APH1B: variants seen among roughly 807,000 people sequenced by gnomAD.
APH1B encodes aph-1B gamma-secretase subunit, also known as gamma-secretase subunit APH-1B.
In APH1B, 27 loss-of-function variants were observed where a neutral mutation model predicts 28.2. The ratio of observed to expected loss-of-function variants is 0.96; its 90% confidence interval spans 0.70 to 1.32. The LOEUF is 1.32. APH1B is among the 40% of genes most tolerant of loss of function. The pLI, the probability that APH1B is intolerant of heterozygous loss-of-function variation, is 0.00. For missense variants in APH1B, 305 were observed against 313.6 expected, an observed-to-expected ratio of 0.97 and a Z score of 0.21; for synonymous variants, 141 against 124.6, an observed-to-expected ratio of 1.13 and a Z score of -0.88.
At chr15:63,279,543 A>G (rs1378012524) in intron 2 of APH1B, among the ~76,000 whole-genome samples, 1 of 152,180 alleles carries the variant, frequency 6.6e-6, no homozygotes, top group East Asian at 1.9e-4. Flanking sequence ...TCAAAAAAAT[A>G]TTTCTTGAGA....
intron 4 of APH1B, among the ~76,000 whole-genome samples, chr15:63,293,489 CT>C: frequency 7.1e-6 from 1 of 141,504 alleles, no homozygotes; most frequent in East Asian, 2.2e-4. Flanking sequence ...TGTTTTTCTT[CT>C]TCTTCTTCTT....
chr15:63,296,329 G>C (rs2038567400), intron 4 of APH1B, among the ~76,000 whole-genome samples: 1 of 152,166 alleles, frequency 6.6e-6, no homozygotes, highest in Admixed American at 6.5e-5. Flanking sequence ...CCTGCCTCTG[G>C]GCAGCTGCGG....
intron 2 of APH1B, among the ~76,000 whole-genome samples, chr15:63,280,599 T>G (rs1197137801): frequency 6.6e-6 from 1 of 152,232 alleles, no homozygotes; most frequent in Non-Finnish European, 1.5e-5. Flanking sequence ...GAATTTAAAT[T>G]AGGAATTGAA....
intron 2 of APH1B, among the ~76,000 whole-genome samples, chr15:63,286,046 G>A (rs566973396): frequency 6.6e-6 from 1 of 152,310 alleles, no homozygotes; most frequent in South Asian, 2.1e-4. Context: ...ACAAATCGCT[G>A]CCTGAAGTGG....
rs1445422711 is a variant in APH1B at position 63,306,008 on chromosome 15, A to T, written c.*227A>T. On this transcript the variant is annotated 3_prime_UTR_variant, in exon 6 of 6. Transcript: ENST00000261879. Reference sequence around the variant, plus strand: ...ACCTGGGACAGTGTAAAGCCGACTGATTCTGGGCTCCACCTTCCAGAGCTA... The same window carrying T: ...ACCTGGGACAGTGTAAAGCCGACTGTTTCTGGGCTCCACCTTCCAGAGCTA... 2 of 504,470 alleles carry T rather than the reference A, an allele frequency of 4.0e-6. No individual in the cohort carries two copies. Among genetic ancestry groups the T allele is most frequent in the Non-Finnish European group, 6.7e-6 (2 of 298,062 alleles). 31.2% of individuals were successfully genotyped at this position (504,470 alleles called of 1,614,324 possible). A position where few individuals can be genotyped will look rare whatever the true frequency, so the allele number is the denominator to read the frequency against.
chr15:63,299,218 C>G (rs190653536), intron 4 of APH1B, among the ~76,000 whole-genome samples: 1 of 152,176 alleles, frequency 6.6e-6, no homozygotes, highest in East Asian at 1.9e-4. Flanking sequence ...ATGGACTTGA[C>G]TTTGGAGGCA....
At chr15:63,283,333 A>G (rs1037435647) in intron 2 of APH1B, among the ~76,000 whole-genome samples, 9 of 152,122 alleles carry the variant, frequency 5.9e-5, no homozygotes, top group African/African-American at 1.9e-4. Flanking sequence ...GGCTCAAGCA[A>G]TCCTCCCACC....
intron 3 of APH1B, 129 bp from the exon 4 acceptor site, chr15:63,287,295 C>G (rs961459244): frequency 5.5e-6 from 7 of 1,273,748 alleles, no homozygotes; most frequent in African/African-American, 4.5e-5. Context: ...CCAGAGCCAG[C>G]TGTCCACTGC....
intron 2 of APH1B, among the ~76,000 whole-genome samples, chr15:63,284,675 A>G (rs543340671): frequency 1.3e-5 from 2 of 152,340 alleles, no homozygotes; most frequent in African/African-American, 4.8e-5. Flanking sequence ...TCATATGTGC[A>G]GTCCATTGTT....
At chr15:63,283,970 G>A (rs2038417756) in intron 2 of APH1B, among the ~76,000 whole-genome samples, 2 of 152,012 alleles carry the variant, frequency 1.3e-5, no homozygotes, top group Admixed American at 1.3e-4. Context: ...GAATCATCTT[G>A]CACTCTTGTT....
At position 63,279,257 on chromosome 15, in the gene APH1B, T is replaced by A. The variant is rs977357424; in HGVS notation, c.210T>A (p.Tyr70Ter). The A allele has an allele frequency of 6.2e-6, 10 of 1,613,018 alleles. No homozygotes were observed. Among genetic ancestry groups the A allele is most frequent in the Non-Finnish European group, 8.5e-6 (10 of 1,179,264 alleles). Residue 70 changes from tyrosine (Y) to a stop codon, truncating the protein, a stop_gained, in exon 2 of 6, where the codon TAT (tyrosine) becomes TAA (stop). Coordinates refer to ENST00000261879, the MANE Select transcript of APH1B (RefSeq NM_031301.4). LOFTEE classifies it high-confidence loss of function. ...ACAAAGATGGACCAACACAGAAATA[T>A]CTGCTGATCTTTGGAGCGTTTGTCT... ...IDNKDGPTQK[Y>*]LLIFGAFVSV...
Position 63,307,994 on chromosome 15 carries a change from C to T in APH1B, c.*2213C>T, listed in dbSNP as rs1018635171. 13 of 152,198 alleles carry T rather than the reference C, an allele frequency of 8.5e-5. No individual in the cohort carries two copies. Among genetic ancestry groups the T allele is most frequent in the African/African-American group, 3.1e-4 (13 of 41,450 alleles). The allele number at this position is 152,198 out of a possible 1,614,324, so 9.4% of individuals were successfully genotyped here. On this transcript the variant is annotated 3_prime_UTR_variant, in exon 6 of 6. Transcript: ENST00000261879. ...TGAGCCTTTCCAGAGTCAGCTTAGACACTGTTGTCGCAAATAGCCATGCTT... is the reference window on the plus strand; with the variant it reads ...TGAGCCTTTCCAGAGTCAGCTTAGATACTGTTGTCGCAAATAGCCATGCTT...
intron 3 of APH1B, 181 bp from the exon 4 acceptor site, chr15:63,287,243 G>T: frequency 9.0e-6 from 6 of 666,474 alleles, no homozygotes; most frequent in South Asian, 2.7e-5. Context: ...TCCTCTTCCC[G>T]CTTCCCTCTC....
chr15:63,297,360 C>G (rs1595763561), intron 4 of APH1B, among the ~76,000 whole-genome samples: 1 of 152,034 alleles, frequency 6.6e-6, no homozygotes, highest in East Asian at 1.9e-4. Context: ...AACCCTGTCT[C>G]CACTTAAAAC....
rs377078264 is a variant in APH1B at position 63,292,222 on chromosome 15, G to C, written c.478+4676G>C. 4.6e-5 allele frequency among the ~76,000 whole-genome samples: 7 copies of C among 152,250 alleles called. No individual in the cohort carries two copies. In the South Asian group the frequency reaches 8.3e-4, roughly 18 times the overall value. On this transcript the variant is annotated intron_variant, in intron 4 of 5. Coordinates refer to ENST00000261879, the MANE Select transcript of APH1B (RefSeq NM_031301.4). ...CATCTCCTAATGATACAGAAAAAAT[G>C]ATCAACAATAGATTGTAACCTGCAG...
chr15:63,303,395 G>A (rs1333064084), intron 5 of APH1B, among the ~76,000 whole-genome samples: 2 of 152,198 alleles, frequency 1.3e-5, no homozygotes, highest in Non-Finnish European at 2.9e-5. Context: ...GCATGTTTGT[G>A]GGATTCATCT....
intron 4 of APH1B, among the ~76,000 whole-genome samples, chr15:63,295,387 G>A (rs2038554493): frequency 1.3e-5 from 2 of 152,342 alleles, no homozygotes; most frequent in Admixed American, 1.3e-4. Context: ...TAGCCAGTGA[G>A]TTTAGGCCTG....
chr15:63,305,754 T>TC lies in APH1B; in HGVS notation c.748dup (p.Leu250ProfsTer24). The TC allele has an allele frequency of 6.2e-7, 1 of 1,614,144 alleles. No individual in the cohort carries two copies. The highest frequency in any genetic ancestry group is 1.3e-5 in the African/African-American group (1 of 75,054). The stretch of plus-strand genomic sequence containing the variant: ...GCCTGCTCTGCCAAGACAAGAACTT[T>TC]CTTCTTTACAACCAGCGCTCCAGAT... On this transcript the variant is annotated frameshift_variant, in exon 6 of 6. Transcript: ENST00000261879. LOFTEE classifies it high-confidence loss of function.
chr15:63,295,443 G>A (rs962296074), intron 4 of APH1B, among the ~76,000 whole-genome samples: 1 of 152,164 alleles, frequency 6.6e-6, no homozygotes, highest in African/African-American at 2.4e-5. Flanking sequence ...ACAGTAGCTG[G>A]TTGCTGCAGG....
Sources: allele counts gnomAD v4.1 joint callset (sites outside exome capture counted in the v4.1 genomes callset), GRCh38; gene constraint gnomAD v4.1.1; transcripts MANE v1.5; gene names NCBI Gene and HGNC (gene_info 2026-07-23, HGNC 2026-07-21).